ASB14: variants seen among roughly 807,000 people sequenced by gnomAD.
The protein encoded by ASB14 is ankyrin repeat and SOCS box containing 14.
ASB14 carries 63 observed loss-of-function variants against 55.6 expected under a neutral mutation model. The ratio of observed to expected loss-of-function variants is 1.13; its 90% CI spans 0.92 to 1.40. The LOEUF is 1.40. Among genes scored for constraint, ASB14 ranks in the 40% most tolerant of loss-of-function variants. The pLI is 0.00. For synonymous variants in ASB14, 256 were observed against 259.9 expected (o/e 0.98, Z 0.15); for missense variants, 724 against 710.4 (o/e 1.02, Z -0.22).
chr3:57,275,675 G>A (rs1482303648), intron 10 of ASB14, among the ~76,000 whole-genome samples: 1 of 152,076 alleles, frequency 6.6e-6, no homozygotes, highest in African/African-American at 2.4e-5. Context: ...GATACCTACT[G>A]AGAGATGTGT....
intron 5 of ASB14, among the ~76,000 whole-genome samples, chr3:57,284,130 A>AAATATATATATATTTAGGC (rs2061062148): frequency 2.2e-5 from 1 of 46,026 alleles, no homozygotes; most frequent in Admixed American, 2.9e-4. Flanking sequence ...GTGTGTATGT[A>AAATATATATATATTTAGGC]TGTAAATATA....
In ASB14 at chr3:57,268,637, G is replaced by T; in HGVS notation, c.*1004C>A. On this transcript the variant is annotated 3_prime_UTR_variant, in exon 11 of 11. Transcript: ENST00000487349. ...GATGATTCATACCATAGCAGAAAAG[G>T]GTCACATCTGTTTTTTGATATGATG... 1 of 805,908 alleles carries T rather than the reference G, an allele frequency of 1.2e-6. No individual in the cohort carries two copies. Among genetic ancestry groups the T allele is most frequent in the Non-Finnish European group, 1.8e-6 (1 of 566,738 alleles). 49.9% of individuals were successfully genotyped at this position (805,908 alleles called of 1,614,324 possible).
intron 10 of ASB14, chr3:57,270,954 T>G (rs1471767026): frequency 6.6e-6 from 1 of 152,146 alleles, no homozygotes. Context: ...ACCTTAATTT[T>G]TTTTCTGTAA....
chr3:57,271,821 C>A (rs186691326), intron 10 of ASB14: 1 of 152,188 alleles, frequency 6.6e-6, no homozygotes. Flanking sequence ...TAGGTCAGAT[C>A]GAAGTGCATT....
At chr3:57,283,573 A>G (rs2061055793) in intron 5 of ASB14, 134 bp from the exon 6 acceptor site, 1 of 886,240 alleles carries the variant, frequency 1.1e-6, no homozygotes, top group African/African-American at 1.7e-5. Flanking sequence ...TGTGTTTAGG[A>G]AACAGATTGT....
In ASB14 at chr3:57,280,564, C is replaced by G. The variant is rs115420780; in HGVS notation, c.716-91G>C. The G allele has an allele frequency of 4.6e-4, 545 of 1,189,824 alleles. 1 individual carries two copies. In the African/African-American group the frequency reaches 7.3e-3, roughly 16 times the overall value. The allele number at this position is 1,189,824 out of a possible 1,614,324, so 73.7% of individuals were successfully genotyped here. On this transcript the variant is annotated intron_variant, in intron 6 of 10. Transcript: ENST00000487349. Reference sequence around the variant, plus strand: ...AAAATATATCCCCATCACCAAAAAGCAATTAGTGAGCACGCACTCTAGCAA... The same window carrying G: ...AAAATATATCCCCATCACCAAAAAGGAATTAGTGAGCACGCACTCTAGCAA...
chr3:57,277,863 C>T lies in ASB14; in HGVS notation c.1489G>A (p.Val497Met). 1 of 1,613,944 alleles carries T rather than the reference C, an allele frequency of 6.2e-7. No individual in the cohort carries two copies. The highest frequency in any genetic ancestry group is 8.5e-7 in the Non-Finnish European group (1 of 1,179,878). Residue 497 changes from valine (V) to methionine (M), a missense_variant, in exon 9 of 11, where the codon GTG (valine) becomes ATG (methionine). Coordinates refer to ENST00000487349, the MANE Select transcript of ASB14 (RefSeq NM_001142733.3). ...ACTTGATCAACATAATCAAGCATCA[C>T]TCGAACAACCTTTCCAGAGAGATGT... ...LQHLSGKVVR[V>M]MLDYVDQVRI...
At chr3:57,270,613 A>G in intron 10 of ASB14, 1 of 152,790 alleles carries the variant, frequency 6.5e-6, no homozygotes, top group Middle Eastern at 3.4e-3. Context: ...TCATGCTTAA[A>G]GTAAAAATTC....
At chr3:57,276,782 CTT>C (rs1461931799) in intron 9 of ASB14, 54 bp from the exon 10 acceptor site, 1 of 1,510,672 alleles carries the variant, frequency 6.6e-7, no homozygotes, top group Non-Finnish European at 9.0e-7. Flanking sequence ...TTTTTAGTAT[CTT>C]AGGGTTTTGT....
At chr3:57,280,528 G>T in intron 6 of ASB14, 55 bp from the exon 7 acceptor site, 1 of 1,467,838 alleles carries the variant, frequency 6.8e-7, no homozygotes, top group South Asian at 1.3e-5. Context: ...TGTATTTCTT[G>T]AGCAATCTTA....
chr3:57,269,313 AAGAT>A lies in ASB14; in HGVS notation c.*324_*327del. ...TTTGGTTGTTGGTCATAAAAAAAGA[AAGAT>A]AAAATATTAGATTTTAGTTTGAATG... is the stretch of plus-strand genomic sequence containing the variant. On this transcript the variant is annotated 3_prime_UTR_variant, in exon 11 of 11. Coordinates refer to ENST00000487349, the MANE Select transcript of ASB14 (RefSeq NM_001142733.3). The A allele has an allele frequency of 2.3e-6, 1 of 442,664 alleles. No individual in the cohort carries two copies. The highest frequency in any genetic ancestry group is 4.2e-5 in the South Asian group (1 of 23,540). 27.4% of individuals were successfully genotyped at this position (442,664 alleles called of 1,614,324 possible). A position where few individuals can be genotyped will look rare whatever the true frequency, so the allele number is the denominator to read the frequency against.
At chr3:57,271,664 T>C (rs1401733637) in intron 10 of ASB14, 1 of 152,246 alleles carries the variant, frequency 6.6e-6, no homozygotes, top group Non-Finnish European at 1.5e-5. Context: ...CTTTGCATGG[T>C]AGCAAGTGCT....
chr3:57,280,521 A>G (rs2061031520), intron 6 of ASB14, 48 bp from the exon 7 acceptor site: 5 of 1,490,700 alleles, frequency 3.4e-6, no homozygotes, highest in Non-Finnish European at 4.6e-6. Context: ...TTTCCACTGT[A>G]TTTCTTGAGC....
chr3:57,282,608 G>C (rs915464476), intron 6 of ASB14, among the ~76,000 whole-genome samples: 1 of 152,132 alleles, frequency 6.6e-6, no homozygotes, highest in African/African-American at 2.4e-5. Context: ...CTTTCCTCAA[G>C]TATAAAATTA....
chr3:57,283,825 A>G (rs2061057414), intron 5 of ASB14, among the ~76,000 whole-genome samples: 1 of 108,014 alleles, frequency 9.3e-6, no homozygotes. Context: ...ACTCTGAAAC[A>G]TGCCAAAAAT....
intron 10 of ASB14, chr3:57,273,111 T>C (rs1384595117): frequency 6.6e-6 from 1 of 152,666 alleles, no homozygotes. Flanking sequence ...CCAATCTCTG[T>C]GGCTTCACTC....
In ASB14 at chr3:57,278,549, G is replaced by GT; in HGVS notation, c.1258_1259insA (p.Pro420HisfsTer15). ...TTGCAGTGCTGATGGGAAATGTAAA[G>GT]GGTTAACTCTGCAGAAGTAATTGAC... On this transcript the variant is annotated frameshift_variant, in exon 8 of 11. Transcript: ENST00000487349. LOFTEE classifies it high-confidence loss of function. The GT allele has an allele frequency of 6.2e-7, 1 of 1,614,182 alleles. No individual in the cohort carries two copies. The highest frequency in any genetic ancestry group is 1.1e-5 in the South Asian group (1 of 91,078).
intron 6 of ASB14, among the ~76,000 whole-genome samples, chr3:57,282,467 CA>C (rs2061047802): frequency 6.6e-6 from 1 of 152,080 alleles, no homozygotes; most frequent in Non-Finnish European, 1.5e-5. Context: ...CAGTAAAGGC[CA>C]AAGTTCTCTG....
Position 57,287,966 on chromosome 3 carries a change from A to G in ASB14, c.404T>C (p.Phe135Ser). The part of the protein sequence containing the change: ...VSSCLLENAT[F>S]LLLNGCNPNA... ...TGGATTGCAGCCATTGAGAAGAAGA[A>G]AAGTGGCATTTTCTAAGAGGCAACT... is the stretch of plus-strand genomic sequence containing the variant. The change falls in exon 5 of 11, where the codon TTT (phenylalanine) becomes TCT (serine). Residue 135 changes from phenylalanine to serine, a missense_variant. Coordinates refer to ENST00000487349, the MANE Select transcript of ASB14 (RefSeq NM_001142733.3). 1 of 1,537,318 alleles carries G rather than the reference A, an allele frequency of 6.5e-7. No individual in the cohort carries two copies. Among genetic ancestry groups the G allele is most frequent in the Non-Finnish European group, 8.7e-7 (1 of 1,146,904 alleles).
Sources: gnomAD v4.1 joint callset for allele counts (sites outside exome capture counted in the v4.1 genomes callset) on GRCh38, gnomAD v4.1.1 for gene constraint, MANE v1.5 for transcripts, NCBI Gene and HGNC (gene_info 2026-07-23, HGNC 2026-07-21) for gene names.